Variants in HLCS observed in about 807,000 individuals in gnomAD.
The protein encoded by HLCS is biotin--protein ligase.
Under a neutral mutation model 75.0 loss-of-function variants are expected in HLCS, and 53 were observed. The observed-to-expected ratio is 0.71, with a 90% CI of 0.57 to 0.89. HLCS has a LOEUF of 0.89. Among genes scored for constraint, HLCS ranks in the 40% least tolerant of loss-of-function variants. The pLI, the probability that HLCS is intolerant of heterozygous loss-of-function variation, is 0.00. For synonymous variants in HLCS, 431 were observed against 428.6 expected, an observed-to-expected ratio of 1.01 and a Z score of -0.07; for missense variants, 966 against 1,074.0, an observed-to-expected ratio of 0.90 and a Z score of 1.41.
chr21:36,852,383 A>T (rs2063042468), intron 6 of HLCS, among the ~76,000 whole-genome samples: 1 of 152,224 alleles, frequency 6.6e-6, no homozygotes, highest in Admixed American at 6.5e-5. Flanking sequence ...CGGGAAGACC[A>T]GAGGCTTTCT....
intron 6 of HLCS, among the ~76,000 whole-genome samples, chr21:36,883,649 C>T (rs758172631): frequency 1.3e-5 from 2 of 152,214 alleles, no homozygotes; most frequent in Admixed American, 6.5e-5. Context: ...TTTCCACTGT[C>T]GGTGGCTATC....
chr21:36,854,839 G>T (rs1429583444), intron 6 of HLCS, among the ~76,000 whole-genome samples: 1 of 152,206 alleles, frequency 6.6e-6, no homozygotes, highest in Non-Finnish European at 1.5e-5. Flanking sequence ...TGAAATACTT[G>T]TTCACAATGA....
rs1433434765 is a variant in HLCS at position 36,753,276 on chromosome 21, G to C, written c.*970C>G. 2 of 152,428 alleles carry C rather than the reference G, an allele frequency of 1.3e-5. No homozygotes were observed. The highest frequency in any genetic ancestry group is 4.8e-5 in the African/African-American group (2 of 41,442). The allele number at this position is 152,428 out of a possible 1,614,324, so 9.4% of individuals were successfully genotyped here. A position where few individuals can be genotyped will look rare whatever the true frequency, so the allele number is the denominator to read the frequency against. On this transcript the variant is annotated 3_prime_UTR_variant, in exon 11 of 11. Coordinates refer to ENST00000674895, the MANE Select transcript of HLCS (RefSeq NM_001352514.2). The surrounding 1 kb of genome is among the most constrained non-coding windows in gnomAD (Gnocchi z 4.3). ...GTAAATGAGGGGGGCAAAAACTTAT[G>C]ACTTCTGAGTAAAATGCCATGTCTT...
At chr21:36,869,306 G>A (rs1345090495) in intron 6 of HLCS, among the ~76,000 whole-genome samples, 1 of 152,060 alleles carries the variant, frequency 6.6e-6, no homozygotes, top group African/African-American at 2.4e-5. Flanking sequence ...CTAATCTTTT[G>A]TATTTTTCGT....
rs1324618580 is a variant in HLCS, at chr21:36,748,949, T to G, written c.*5297A>C. The G allele has an allele frequency of 6.6e-6, 1 of 152,650 alleles. No individual in the cohort carries two copies. Among genetic ancestry groups the G allele is most frequent in the African/African-American group, 2.4e-5 (1 of 41,464 alleles). The allele number at this position is 152,650 out of a possible 1,614,324, so 9.5% of individuals were successfully genotyped here. On this transcript the variant is annotated 3_prime_UTR_variant, in exon 11 of 11. Transcript: ENST00000674895. ...AGATCTGTAATTCACTAGGCTCGTG[T>G]TTGCTACAAATAGTGCTAATAAAGT...
chr21:36,881,333 G>A (rs1373628722), intron 6 of HLCS, among the ~76,000 whole-genome samples: 1 of 151,996 alleles, frequency 6.6e-6, no homozygotes, highest in Non-Finnish European at 1.5e-5. Flanking sequence ...ACACCCACCC[G>A]GATCATCACC....
At chr21:36,780,487 G>C (rs537839052) in intron 6 of HLCS, among the ~76,000 whole-genome samples, 1 of 152,022 alleles carries the variant, frequency 6.6e-6, no homozygotes, top group Non-Finnish European at 1.5e-5. Flanking sequence ...CAAAGTGCTG[G>C]GATTACAGGC....
At chr21:36,896,353 CA>C (rs1371882692) in intron 6 of HLCS, among the ~76,000 whole-genome samples, 1 of 152,178 alleles carries the variant, frequency 6.6e-6, no homozygotes. Flanking sequence ...CTATCTCAAT[CA>C]ATCAATCAAT....
At chr21:36,926,984 G>C (rs775670669) in intron 5 of HLCS, among the ~76,000 whole-genome samples, 1 of 152,070 alleles carries the variant, frequency 6.6e-6, no homozygotes, top group East Asian at 1.9e-4. Flanking sequence ...GGGCTTGAGC[G>C]ATCCACCTGC....
intron 6 of HLCS, among the ~76,000 whole-genome samples, chr21:36,826,039 T>A (rs77277561): frequency 4.0e-5 from 6 of 151,654 alleles, no homozygotes; most frequent in Non-Finnish European, 8.8e-5. Flanking sequence ...TTTTTTTTTT[T>A]AATTAGAAAC....
intron 6 of HLCS, among the ~76,000 whole-genome samples, chr21:36,873,610 T>C (rs1038044858): frequency 2.6e-5 from 4 of 152,232 alleles, no homozygotes; most frequent in African/African-American, 4.8e-5. Context: ...TCAGTACCTC[T>C]TGATGAGCAG....
intron 6 of HLCS, among the ~76,000 whole-genome samples, chr21:36,778,480 T>C (rs1297663310): frequency 6.6e-6 from 1 of 151,610 alleles, no homozygotes; most frequent in Non-Finnish European, 1.5e-5. Flanking sequence ...GGTTTCTCCA[T>C]GTTGACCAGG....
At chr21:36,830,444 A>G (rs1387381362) in intron 6 of HLCS, among the ~76,000 whole-genome samples, 1 of 152,160 alleles carries the variant, frequency 6.6e-6, no homozygotes, top group African/African-American at 2.4e-5. Context: ...TCTTGTCAGA[A>G]TATATCTTTC....
At chr21:36,853,946 A>G (rs567770645) in intron 6 of HLCS, among the ~76,000 whole-genome samples, 3 of 152,308 alleles carry the variant, frequency 2.0e-5, no homozygotes, top group Non-Finnish European at 4.4e-5. Context: ...TTAATAAAAG[A>G]CTTTTCAAGC....
chr21:36,790,844 T>A (rs2060839604), intron 6 of HLCS, among the ~76,000 whole-genome samples: 1 of 152,150 alleles, frequency 6.6e-6, no homozygotes, highest in African/African-American at 2.4e-5. Flanking sequence ...ATGGCAGAAC[T>A]GTGGTGTTCT....
chr21:36,949,292 C>T (rs1277467507), intron 2 of HLCS, among the ~76,000 whole-genome samples: 2 of 152,356 alleles, frequency 1.3e-5, no homozygotes, highest in East Asian at 3.8e-4. Context: ...AGTGACTAAA[C>T]CAGGGCTGGA....
At position 36,979,204 on chromosome 21, in the gene HLCS, G is replaced by A. The variant is rs1234910343; in HGVS notation, c.-393+10954C>T. ...GGAGAATAGCATGAACCCAGGAGGC[G>A]GAGCTTGCAGTGAGCCAAGATCGCG... On this transcript the variant is annotated intron_variant, in intron 1 of 11. Transcript: ENST00000336648. 2.0e-5 allele frequency among the ~76,000 whole-genome samples: 3 copies of A among 151,682 alleles called. No homozygotes were observed. The Middle Eastern group carries it at 0.01, about 516-fold the overall frequency.
At chr21:36,930,491 C>A in intron 4 of HLCS, 58 bp from the exon 5 acceptor site, 1 of 1,358,796 alleles carries the variant, frequency 7.4e-7, no homozygotes, top group Non-Finnish European at 1.0e-6. Flanking sequence ...ATGAGAAAAA[C>A]AGTTTCTTTT....
chr21:36,771,307 A>G (rs1339243187), intron 6 of HLCS, among the ~76,000 whole-genome samples: 1 of 152,220 alleles, frequency 6.6e-6, no homozygotes, highest in East Asian at 1.9e-4. Context: ...TACCCATTTC[A>G]TTATAACTAG....
Sources: gnomAD v4.1 joint callset for allele counts (sites outside exome capture counted in the v4.1 genomes callset) on GRCh38, gnomAD v4.1.1 for gene constraint, Gnocchi (gnomAD v3.1) non-coding constraint, MANE v1.5 for transcripts, NCBI Gene and HGNC (gene_info 2026-07-23, HGNC 2026-07-21) for gene names.